SLC25A20: variants seen among roughly 807,000 people sequenced by gnomAD.
The protein encoded by SLC25A20 is solute carrier family 25 member 20, also known as mitochondrial carnitine/acylcarnitine carrier protein.
In SLC25A20, 29 loss-of-function variants were observed where a neutral mutation model predicts 39.7. That is an observed-to-expected ratio of 0.73 (90% CI 0.54 to 1.00). SLC25A20 has a LOEUF of 1.00. Among genes scored for constraint, SLC25A20 ranks in the 50% least tolerant of loss-of-function variants. The probability of loss-of-function intolerance (pLI) is 0.00; values close to 1 mark genes in which losing one functional copy is unlikely to be tolerated. For missense variants in SLC25A20, 333 were observed against 379.9 expected (o/e 0.88, Z 1.03); for synonymous variants, 103 against 142.2 (o/e 0.72, Z 1.96).
In SLC25A20 at chr3:48,859,075, CACT is replaced by C; in HGVS notation, c.718+14_718+16del. The C allele has an allele frequency of 6.2e-7, 1 of 1,605,578 alleles. No individual in the cohort carries two copies. Among genetic ancestry groups the C allele is most frequent in the Non-Finnish European group, 8.5e-7 (1 of 1,172,696 alleles). On this transcript the variant is annotated intron_variant, in intron 7 of 8. Coordinates refer to ENST00000319017, the MANE Select transcript of SLC25A20 (RefSeq NM_000387.6). ...GGACCCACTCTCCCCCTGTCCACCCCACTACCTTCCACTCACCAGTCTGGAATC... is the reference window on the plus strand; with the variant it reads ...GGACCCACTCTCCCCCTGTCCACCCCACCTTCCACTCACCAGTCTGGAATC...
At chr3:48,875,514 A>G (rs536550369) in intron 4 of SLC25A20, among the ~76,000 whole-genome samples, 1 of 152,232 alleles carries the variant, frequency 6.6e-6, no homozygotes, top group East Asian at 1.9e-4. Flanking sequence ...GGTTCAAGCA[A>G]TTCTCGTGCC....
At chr3:48,880,753 A>C (rs2083790480) in intron 3 of SLC25A20, among the ~76,000 whole-genome samples, 1 of 151,520 alleles carries the variant, frequency 6.6e-6, no homozygotes, top group Admixed American at 6.6e-5. Flanking sequence ...ATTTTTGTAG[A>C]GACAGAGTTT....
intron 2 of SLC25A20, 56 bp from the exon 3 acceptor site, chr3:48,884,180 A>G (rs1291993384): frequency 6.2e-7 from 1 of 1,608,284 alleles, no homozygotes; most frequent in African/African-American, 1.3e-5. Context: ...CTTTTAAATC[A>G]CTGAAAGAGG....
intron 5 of SLC25A20, among the ~76,000 whole-genome samples, chr3:48,860,790 A>T (rs2083620533): frequency 6.6e-6 from 1 of 151,366 alleles, no homozygotes; most frequent in African/African-American, 2.4e-5. Context: ...TCTGTCTCAA[A>T]AAAAAAAGAA....
chr3:48,892,161 G>A (rs1477484300), intron 1 of SLC25A20, 89 bp from the exon 2 acceptor site: 12 of 968,560 alleles, frequency 1.2e-5, no homozygotes, highest in Non-Finnish European at 1.8e-5. Flanking sequence ...AACTGAACAG[G>A]GAAGGCTGTA....
intron 3 of SLC25A20, among the ~76,000 whole-genome samples, chr3:48,880,255 CCTTT>C (rs1217916783): frequency 2.6e-5 from 4 of 152,012 alleles, no homozygotes; most frequent in African/African-American, 9.7e-5. Flanking sequence ...CTGGCATCTC[CCTTT>C]CTTTTCTTTT....
chr3:48,868,475 A>T (rs1243344280), intron 4 of SLC25A20, among the ~76,000 whole-genome samples: 2 of 151,842 alleles, frequency 1.3e-5, no homozygotes, highest in African/African-American at 2.4e-5. Context: ...CAACCAAAAA[A>T]CTCTGGATGT....
At chr3:48,881,665 G>A (rs1392112868) in intron 3 of SLC25A20, among the ~76,000 whole-genome samples, 2 of 152,162 alleles carry the variant, frequency 1.3e-5, no homozygotes, top group Non-Finnish European at 2.9e-5. Flanking sequence ...CAGGAAGACT[G>A]TTTTTCTGAG....
At chr3:48,858,674 A>G (rs371990344) in intron 7 of SLC25A20, 43 bp from the exon 8 acceptor site, 295 of 1,613,796 alleles carry the variant, frequency 1.8e-4, no homozygotes, top group Non-Finnish European at 2.3e-4. Context: ...GGAAGGAGAA[A>G]CTAGCAGTTA....
intron 4 of SLC25A20, among the ~76,000 whole-genome samples, chr3:48,872,668 T>C (rs1559667027): frequency 1.4e-5 from 2 of 142,176 alleles, no homozygotes; most frequent in Non-Finnish European, 3.0e-5. Context: ...CTGAGCAACA[T>C]GGCAAGACCC....
chr3:48,886,630 T>C (rs376805603), intron 2 of SLC25A20, among the ~76,000 whole-genome samples: 4 of 152,118 alleles, frequency 2.6e-5, no homozygotes, highest in East Asian at 3.8e-4. Flanking sequence ...TTGAAAGTAG[T>C]TGCCTCTGGA....
intron 4 of SLC25A20, among the ~76,000 whole-genome samples, chr3:48,876,342 C>CA (rs796648485): frequency 3.0e-3 from 176 of 58,310 alleles, no homozygotes; most frequent in African/African-American, 4.0e-3. Context: ...GACTCCATCT[C>CA]AAAAAAAAAA....
intron 5 of SLC25A20, among the ~76,000 whole-genome samples, chr3:48,860,283 AGAGT>A (rs1269032137): frequency 6.7e-6 from 1 of 148,544 alleles, no homozygotes; most frequent in African/African-American, 2.5e-5. Flanking sequence ...CCTGGCTGAC[AGAGT>A]GAGACTCCAT....
In SLC25A20 at chr3:48,859,546, T is replaced by C. The variant is rs1023984133; in HGVS notation, c.608+9A>G. The C allele has an allele frequency of 6.2e-7, 1 of 1,612,452 alleles. No homozygotes were observed. The highest frequency in any genetic ancestry group is 8.5e-7 in the Non-Finnish European group (1 of 1,178,496). ...GGGGAAAGTGGCTTCCAAGTTATGT[T>C]TTCCTCACCTCTTTCCCTCCGGAGT... On this transcript the variant is annotated intron_variant, in intron 6 of 8. Transcript: ENST00000319017.
intron 7 of SLC25A20, 66 bp downstream of exon 7, chr3:48,859,026 C>T (rs1174224929): frequency 7.0e-6 from 9 of 1,293,500 alleles, no homozygotes; most frequent in African/African-American, 1.5e-5. Context: ...ATGAGCTTTG[C>T]ACCCCAGGAT....
In SLC25A20 at chr3:48,861,971, T is replaced by C. The variant is rs544962360; in HGVS notation, c.535+571A>G. Among the ~76,000 whole-genome samples, 39 of 152,250 alleles carry C rather than the reference T, an allele frequency of 2.6e-4. No homozygotes were observed. The Middle Eastern group carries it at 0.01, about 40-fold the overall frequency. On this transcript the variant is annotated intron_variant, in intron 5 of 8. Transcript: ENST00000319017. ...TGAACCTGGGAGGCAGAGGTTGCAG[T>C]AAGCCAAGACTGTGCCATTGCACTC...
Position 48,857,479 on chromosome 3 carries a change from T to G in SLC25A20, c.*231A>C, listed in dbSNP as rs1013206525. 4 of 553,268 alleles carry G rather than the reference T, an allele frequency of 7.2e-6. No homozygotes were observed. The highest frequency in any genetic ancestry group is 1.9e-5 in the African/African-American group (1 of 52,606). 34.3% of individuals were successfully genotyped at this position (553,268 alleles called of 1,614,324 possible). A position where few individuals can be genotyped will look rare whatever the true frequency, so the allele number is the denominator to read the frequency against. ...AGCTACTTGTTCCATTTCCAAATCC[T>G]TTTAAGATCCCTTAAATTGATAAGA... is the stretch of plus-strand genomic sequence containing the variant. On this transcript the variant is annotated 3_prime_UTR_variant, in exon 9 of 9. Coordinates refer to ENST00000319017, the MANE Select transcript of SLC25A20 (RefSeq NM_000387.6).
rs376693163 is a variant in SLC25A20, at chr3:48,897,368, T to TATA, written c.105+1321_105+1322insTAT. Among the ~76,000 whole-genome samples the TATA allele has an allele frequency of 3.7e-3, 220 of 59,820 alleles. 1 individual carries two copies. The highest frequency in any genetic ancestry group is 8.2e-3 in the African/African-American group (144 of 17,474). The allele number at this position is 59,820 out of a possible 152,430, so 39.2% of individuals were successfully genotyped here. On this transcript the variant is annotated intron_variant, in intron 1 of 8. Coordinates refer to ENST00000319017, the MANE Select transcript of SLC25A20 (RefSeq NM_000387.6). ...GTGAATATATATATATATATATATA[T>TATA]TTTTTTTTTTTTTTTTTTTAAGGGC... is the stretch of plus-strand genomic sequence containing the variant.
intron 8 of SLC25A20, among the ~76,000 whole-genome samples, chr3:48,858,001 CTT>C (rs1302364037): frequency 4.8e-5 from 7 of 144,962 alleles, no homozygotes; most frequent in Non-Finnish European, 6.0e-5. Context: ...GAGTTTTGCT[CTT>C]GTCACCCAGG....
Sources: allele counts gnomAD v4.1 joint callset (sites outside exome capture counted in the v4.1 genomes callset), GRCh38; gene constraint gnomAD v4.1.1; transcripts MANE v1.5; gene names NCBI Gene and HGNC (gene_info 2026-07-23, HGNC 2026-07-21).